Variants in ITPR2 observed in about 807,000 individuals in gnomAD.
ITPR2 encodes inositol 1,4,5-trisphosphate-gated calcium channel ITPR2.
In ITPR2, 207 loss-of-function variants were observed where a neutral mutation model predicts 317.1. The observed-to-expected ratio is 0.65, with a 90% CI of 0.58 to 0.73. The LOEUF (loss-of-function observed/expected upper bound fraction) is 0.73. ITPR2 is among the 30% of genes least tolerant of loss of function. The pLI, the probability that ITPR2 is intolerant of heterozygous loss-of-function variation, is 0.00. For missense variants in ITPR2, 2,613 were observed against 3,284.0 expected (o/e 0.80, Z 4.99); for synonymous variants, 1,156 against 1,149.1 (o/e 1.01, Z -0.12).
At chr12:26,501,150 C>A (rs1433024488) in intron 37 of ITPR2, among the ~76,000 whole-genome samples, 1 of 152,126 alleles carries the variant, frequency 6.6e-6, no homozygotes, top group Non-Finnish European at 1.5e-5. Context: ...GAGACAAGAT[C>A]TACAAGGAGG....
intron 52 of ITPR2, among the ~76,000 whole-genome samples, chr12:26,402,910 G>A (rs1021266078): frequency 2.6e-5 from 4 of 152,178 alleles, no homozygotes; most frequent in African/African-American, 2.4e-5. Flanking sequence ...GCCGCTGGAC[G>A]AGGTGCTAGG....
intron 34 of ITPR2, among the ~76,000 whole-genome samples, chr12:26,569,937 C>T (rs975541792): frequency 6.6e-6 from 1 of 152,274 alleles, no homozygotes; most frequent in African/African-American, 2.4e-5. Context: ...TTACCTTATT[C>T]ACATGTGCAA....
intron 37 of ITPR2, among the ~76,000 whole-genome samples, chr12:26,549,850 T>C (rs1346723538): frequency 6.6e-6 from 1 of 151,876 alleles, no homozygotes; most frequent in Non-Finnish European, 1.5e-5. Context: ...AATATATATT[T>C]ATAATAAAAA....
chr12:26,566,792 CTGTT>C (rs1319424099), intron 34 of ITPR2, among the ~76,000 whole-genome samples: 1 of 152,168 alleles, frequency 6.6e-6, no homozygotes, highest in Non-Finnish European at 1.5e-5. Context: ...TGCAATATCT[CTGTT>C]TATGTCTTTC....
intron 32 of ITPR2, among the ~76,000 whole-genome samples, chr12:26,591,985 T>C (rs1193254948): frequency 6.6e-6 from 1 of 152,182 alleles, no homozygotes; most frequent in South Asian, 2.1e-4. Context: ...TAGCCAAAAT[T>C]TGGAAGCACC....
intron 32 of ITPR2, among the ~76,000 whole-genome samples, chr12:26,585,691 C>T (rs1945509274): frequency 6.6e-6 from 1 of 152,188 alleles, no homozygotes; most frequent in Admixed American, 6.5e-5. Flanking sequence ...AGGTCTGAGC[C>T]ACTACACCCG....
At chr12:26,458,575 G>C (rs188434426) in intron 45 of ITPR2, among the ~76,000 whole-genome samples, 44 of 152,206 alleles carry the variant, frequency 2.9e-4, no homozygotes, top group Admixed American at 8.5e-4. Context: ...ACACGAGGGC[G>C]TCATCAACGA....
intron 10 of ITPR2, among the ~76,000 whole-genome samples, chr12:26,688,608 G>A (rs1023411007): frequency 4.6e-5 from 7 of 152,222 alleles, no homozygotes; most frequent in African/African-American, 1.7e-4. Context: ...AAAGAATAGA[G>A]AACAAGAGGG....
At chr12:26,790,976 C>T (rs1428392976) in intron 1 of ITPR2, among the ~76,000 whole-genome samples, 1 of 152,174 alleles carries the variant, frequency 6.6e-6, no homozygotes, top group Non-Finnish European at 1.5e-5. Context: ...ATTTAATGGA[C>T]AAATAAAATC....
chr12:26,625,158 G>T (rs745703481), intron 23 of ITPR2, among the ~76,000 whole-genome samples: 1 of 152,008 alleles, frequency 6.6e-6, no homozygotes, highest in African/African-American at 2.4e-5. Context: ...AACTCATGGC[G>T]ATAGACAGTA....
At chr12:26,599,366 C>A in intron 29 of ITPR2, 21 bp from the exon 30 acceptor site, 1 of 1,606,214 alleles carries the variant, frequency 6.2e-7, no homozygotes. Flanking sequence ...AGGAACATGC[C>A]CTTGTAATTC....
chr12:26,425,771 T>G (rs1027998279), intron 49 of ITPR2, among the ~76,000 whole-genome samples: 6 of 152,050 alleles, frequency 3.9e-5, no homozygotes, highest in African/African-American at 1.4e-4. Flanking sequence ...TCCCCACAGA[T>G]TTCTACAGTT....
intron 21 of ITPR2, among the ~76,000 whole-genome samples, chr12:26,651,274 C>T (rs1006117857): frequency 1.6e-4 from 24 of 152,280 alleles, no homozygotes; most frequent in African/African-American, 5.8e-4. Context: ...CCCTCTCACC[C>T]TCATCACTTG....
intron 9 of ITPR2, among the ~76,000 whole-genome samples, chr12:26,695,992 C>G (rs1478843439): frequency 6.9e-6 from 1 of 145,506 alleles, no homozygotes; most frequent in East Asian, 2.5e-4. Context: ...ATAACTCAGA[C>G]ACAAATTAAA....
At chr12:26,517,737 T>C (rs546070048) in intron 37 of ITPR2, among the ~76,000 whole-genome samples, 17 of 151,800 alleles carry the variant, frequency 1.1e-4, no homozygotes, top group Non-Finnish European at 2.4e-4. Context: ...ACTCGGGAGG[T>C]TGAGGCAGGA....
At chr12:26,347,537 T>C (rs1938347100) in intron 55 of ITPR2, among the ~76,000 whole-genome samples, 1 of 152,178 alleles carries the variant, frequency 6.6e-6, no homozygotes, top group Non-Finnish European at 1.5e-5. Context: ...CCCAAGGTCA[T>C]ATAGGTGGTG....
At chr12:26,384,350 A>G (rs766407425) in intron 55 of ITPR2, among the ~76,000 whole-genome samples, 2 of 152,186 alleles carry the variant, frequency 1.3e-5, no homozygotes, top group African/African-American at 2.4e-5. Context: ...CATGCAAACA[A>G]CTTTTCATTT....
intron 40 of ITPR2, 141 bp downstream of exon 40, chr12:26,486,927 C>T (rs1201459571): frequency 1.1e-6 from 1 of 920,572 alleles, no homozygotes; most frequent in Non-Finnish European, 1.8e-6. Flanking sequence ...ACCCCATGAC[C>T]AAAATTCTTT....
intron 49 of ITPR2, among the ~76,000 whole-genome samples, chr12:26,421,685 A>C (rs1592008364): frequency 8.4e-6 from 1 of 118,602 alleles, no homozygotes; most frequent in South Asian, 2.6e-4. Flanking sequence ...TGTGGGTGAC[A>C]AAAAGTGGAT....
Sources: allele counts gnomAD v4.1 joint callset (sites outside exome capture counted in the v4.1 genomes callset), GRCh38; gene constraint gnomAD v4.1.1; transcripts MANE v1.5; gene names NCBI Gene and HGNC (gene_info 2026-07-23, HGNC 2026-07-21).